Variants in XKR3 observed in about 807,000 individuals in gnomAD.
The protein encoded by XKR3 is XK-related protein 3.
XKR3 carries 27 observed loss-of-function variants against 40.3 expected under a neutral mutation model. The ratio of observed to expected loss-of-function variants is 0.67; its 90% CI spans 0.49 to 0.92. The LOEUF (loss-of-function observed/expected upper bound fraction) is 0.92. Among genes scored for constraint, XKR3 ranks in the 40% least tolerant of loss-of-function variants. The probability of loss-of-function intolerance (pLI) is 0.00; values close to 1 mark genes in which losing one functional copy is unlikely to be tolerated. For missense variants in XKR3, 472 were observed against 537.6 expected (o/e 0.88, Z 1.21); for synonymous variants, 193 against 195.4 (o/e 0.99, Z 0.10).
Position 16,784,291 on chromosome 22 carries a change from G to C in XKR3, c.708C>G (p.Phe236Leu). The C allele has an allele frequency of 1.2e-6, 2 of 1,614,138 alleles. No individual in the cohort carries two copies. The highest frequency in any genetic ancestry group is 2.2e-5 in the South Asian group (2 of 91,080). ...CCAAAAAACGCCACATCACGACACA[G>C]AAGAATTCTATCGGCGGTAGCTTAA... is the stretch of plus-strand genomic sequence containing the variant. ...TTIKLPPIEFFCVVMWRFLEV... is the reference protein window; with the variant it reads ...TTIKLPPIEFLCVVMWRFLEV... The change falls in exon 4 of 4, where the codon TTC (phenylalanine) becomes TTG (leucine). Residue 236 changes from phenylalanine to leucine, a missense_variant. By Grantham distance (22) the Phe-to-Leu change is conservative. Coordinates refer to ENST00000684488, the MANE Select transcript of XKR3 (RefSeq NM_001386955.1).
chr22:16,796,464 C>A lies in XKR3; in HGVS notation c.589+3307G>T, dbSNP rs1183965602. Among the ~76,000 whole-genome samples, 6 of 152,170 alleles carry A rather than the reference C, an allele frequency of 3.9e-5. No homozygotes were observed. The East Asian group carries it at 1.2e-3, about 29-fold the overall frequency. ...CAGATGCAAAAATCCTTAACAAAAT[C>A]TCAGCAAACTGGATCTCACAGTGCA... is the stretch of plus-strand genomic sequence containing the variant. On this transcript the variant is annotated intron_variant, in intron 3 of 3. Coordinates refer to ENST00000684488, the MANE Select transcript of XKR3 (RefSeq NM_001386955.1).
At chr22:16,809,362 T>C (rs2060203480) in intron 1 of XKR3, among the ~76,000 whole-genome samples, 1 of 152,218 alleles carries the variant, frequency 6.6e-6, no homozygotes, top group Non-Finnish European at 1.5e-5. Context: ...TATTCTCCTC[T>C]TCGGTGCTCT....
intron 1 of XKR3, among the ~76,000 whole-genome samples, chr22:16,813,262 C>A (rs552937741): frequency 6.6e-6 from 1 of 151,136 alleles, no homozygotes; most frequent in African/African-American, 2.4e-5. Flanking sequence ...CCAGCCTGGG[C>A]GGCAGAGGAA....
chr22:16,811,877 C>T (rs1216485291), intron 1 of XKR3, among the ~76,000 whole-genome samples: 1 of 151,954 alleles, frequency 6.6e-6, no homozygotes, highest in Non-Finnish European at 1.5e-5. Context: ...AGCATGGTGG[C>T]GGGCACCTGT....
chr22:16,816,454 AG>A (rs1432078355), intron 1 of XKR3, among the ~76,000 whole-genome samples: 2 of 151,846 alleles, frequency 1.3e-5, no homozygotes, highest in East Asian at 3.9e-4. Context: ...GCTAATCAAA[AG>A]GGCCCAGTTA....
intron 2 of XKR3, among the ~76,000 whole-genome samples, chr22:16,804,927 C>T (rs1184005196): frequency 6.6e-6 from 1 of 152,210 alleles, no homozygotes; most frequent in Non-Finnish European, 1.5e-5. Flanking sequence ...CACGGTCACT[C>T]ACATTTAGCT....
chr22:16,807,389 CACTCT>C (rs1211795343), intron 2 of XKR3, among the ~76,000 whole-genome samples: 1 of 152,180 alleles, frequency 6.6e-6, no homozygotes, highest in Non-Finnish European at 1.5e-5. Flanking sequence ...TCTTCTCACT[CACTCT>C]ACTCTCATTC....
intron 1 of XKR3, among the ~76,000 whole-genome samples, chr22:16,810,025 T>A (rs1461984904): frequency 6.6e-6 from 1 of 152,224 alleles, no homozygotes; most frequent in Non-Finnish European, 1.5e-5. Context: ...CTGCTGGCAT[T>A]GGAGGTGCAA....
chr22:16,805,520 T>C (rs1047209612), intron 2 of XKR3, among the ~76,000 whole-genome samples: 3 of 152,212 alleles, frequency 2.0e-5, no homozygotes, highest in African/African-American at 4.8e-5. Context: ...ACAGATTCAA[T>C]TCATTCCATA....
rs1209366842 is a variant in XKR3, at chr22:16,783,892, A to C, written c.1107T>G (p.Thr369=). 8.7e-6 allele frequency: 14 copies of C among 1,614,186 alleles called. No individual in the cohort carries two copies. The highest frequency in any genetic ancestry group is 1.1e-5 in the Non-Finnish European group (13 of 1,180,032). Residue 369 remains threonine (T), a synonymous_variant, in exon 4 of 4, where the codon ACT becomes ACG. Transcript: ENST00000684488. ...TTAATGAGTCACAACAATTCAGCAA[A>C]GTTTTCCCTCCAAAGAACCTAAATA... is the stretch of plus-strand genomic sequence containing the variant. ...ILVFRFFGGK[T]LLNCCDSLIA... is the part of the protein sequence containing the mutation.
chr22:16,811,559 G>A (rs1336323351), intron 1 of XKR3, among the ~76,000 whole-genome samples: 1 of 152,104 alleles, frequency 6.6e-6, no homozygotes, highest in Non-Finnish European at 1.5e-5. Flanking sequence ...TGGTGGTTTT[G>A]TTATCAAAAT....
chr22:16,823,521 T>G (rs1300729228), intron 1 of XKR3, among the ~76,000 whole-genome samples: 1 of 152,222 alleles, frequency 6.6e-6, no homozygotes, highest in Non-Finnish European at 1.5e-5. Context: ...GCAGAATTTT[T>G]GGGAAAAACA....
chr22:16,802,409 A>G (rs939381065), intron 2 of XKR3, among the ~76,000 whole-genome samples: 5 of 152,252 alleles, frequency 3.3e-5, no homozygotes, highest in African/African-American at 9.6e-5. Flanking sequence ...AAGGAAAGAA[A>G]GAAGATAACT....
At chr22:16,806,450 G>A (rs1601846964) in intron 2 of XKR3, among the ~76,000 whole-genome samples, 1 of 145,800 alleles carries the variant, frequency 6.9e-6, no homozygotes, top group Non-Finnish European at 1.5e-5. Flanking sequence ...ATCACATTTT[G>A]TGATGGAATA....
Position 16,807,010 on chromosome 22 carries a change from G to A in XKR3, c.335+729C>T, listed in dbSNP as rs552874424. On this transcript the variant is annotated intron_variant, in intron 2 of 3. Coordinates refer to ENST00000684488, the MANE Select transcript of XKR3 (RefSeq NM_001386955.1). The stretch of plus-strand genomic sequence containing the variant: ...CAAAGTTAATCTATAAGTTTAATTG[G>A]ATAAAATAAAATTTATCAACATCTA... 7.9e-5 allele frequency among the ~76,000 whole-genome samples: 12 copies of A among 152,050 alleles called. No homozygotes were observed. The South Asian group carries it at 2.5e-3, about 32-fold the overall frequency.
At position 16,784,407 on chromosome 22, in the gene XKR3, A is replaced by G. The variant is rs2060081310; in HGVS notation, c.592T>C (p.Leu198=). 10 of 1,585,960 alleles carry G rather than the reference A, an allele frequency of 6.3e-6. No individual in the cohort carries two copies. In the Admixed American group the frequency reaches 7.4e-5, roughly 12 times the overall value. ...TIREWPLNRA[L]LMTFSLLSVT... ...GATAACAGGGAAAATGTCATCAGCA[A>G]TGCTATTAAAGACAAACATGAAAAT... is the stretch of plus-strand genomic sequence containing the variant. The change falls in exon 4 of 4, where the codon TTG becomes CTG. Residue 198 remains leucine (L), a splice_region_variant and synonymous_variant. Coordinates refer to ENST00000684488, the MANE Select transcript of XKR3 (RefSeq NM_001386955.1).
chr22:16,793,430 G>A (rs369234128), intron 3 of XKR3, among the ~76,000 whole-genome samples: 9 of 152,328 alleles, frequency 5.9e-5, no homozygotes, highest in Non-Finnish European at 7.4e-5. Flanking sequence ...ATAATTTTGC[G>A]TAATTCCAGT....
intron 3 of XKR3, among the ~76,000 whole-genome samples, chr22:16,787,476 C>T (rs1354044418): frequency 1.1e-4 from 17 of 151,290 alleles, no homozygotes; most frequent in African/African-American, 3.4e-4. Context: ...AGGATAATCA[C>T]GGAACCCAGG....
intron 1 of XKR3, among the ~76,000 whole-genome samples, chr22:16,817,410 C>A (rs1346177801): frequency 6.6e-6 from 1 of 152,048 alleles, no homozygotes; most frequent in Non-Finnish European, 1.5e-5. Flanking sequence ...AAAAATCTGA[C>A]CTCAGTCTTG....
Sources: gnomAD v4.1 joint callset for allele counts (sites outside exome capture counted in the v4.1 genomes callset) on GRCh38, gnomAD v4.1.1 for gene constraint, MANE v1.5 for transcripts, NCBI Gene and HGNC (gene_info 2026-07-23, HGNC 2026-07-21) for gene names.